Variants in PRR12 observed in about 807,000 individuals in gnomAD.
The protein encoded by PRR12 is proline-rich protein 12.
A neutral mutation model predicts 138.0 loss-of-function variants in PRR12; 12 were observed. The observed-to-expected ratio is 0.09, with a 90% CI of 0.06 to 0.14. PRR12 has a LOEUF of 0.14. Among genes scored for constraint, PRR12 ranks in the 10% least tolerant of loss-of-function variants. The pLI is 1.00. For missense variants in PRR12, 2,692 were observed against 2,861.3 expected (o/e 0.94, Z 1.35); for synonymous variants, 1,567 against 1,291.7 (o/e 1.21, Z -4.57).
rs562092493 is a variant in PRR12, at chr19:49,601,879, C to T, written c.4734C>T (p.Asp1578=). Residue 1578 remains aspartate (D), a synonymous_variant, in exon 6 of 14, where the codon GAC becomes GAT. Coordinates refer to ENST00000418929, the MANE Select transcript of PRR12 (RefSeq NM_020719.3). The part of the protein sequence containing the change: ...SGGEGIFRER[D]EFVIRAEDIP... ...GAGAGGGCATCTTCCGGGAACGGGA[C>T]GAGTTCGTCATCCGTGCTGAGGACA... 5.0e-5 allele frequency: 81 copies of T among 1,612,330 alleles called. 1 individual carries two copies. In the South Asian group the frequency reaches 6.4e-4, roughly 13 times the overall value.
chr19:49,601,567 C>G lies in PRR12; in HGVS notation c.4422C>G (p.Pro1474=). 4 of 1,539,808 alleles carry G rather than the reference C, an allele frequency of 2.6e-6. No homozygotes were observed. Among genetic ancestry groups the G allele is most frequent in the Non-Finnish European group, 2.6e-6 (3 of 1,139,070 alleles). Residue 1474 remains proline (P), a synonymous_variant, in exon 6 of 14, where the codon CCC becomes CCG. Transcript: ENST00000418929. ...APTPQPQPPP[P]PPPPQPALPS... ...CTCCTCAGCCTCAGCCTCCGCCACC[C>G]CCTCCGCCGCCACAGCCAGCCCTGC...
chr19:49,621,457 T>C (rs2080923134), intron 10 of PRR12, 68 bp from the exon 11 acceptor site: 1 of 1,276,106 alleles, frequency 7.8e-7, no homozygotes. Context: ...CCAGACTCCA[T>C]GACCCCACCT....
In PRR12 at chr19:49,614,671, A is replaced by G; in HGVS notation, c.4890+22A>G. On this transcript the variant is annotated intron_variant, in intron 7 of 13. Coordinates refer to ENST00000418929, the MANE Select transcript of PRR12 (RefSeq NM_020719.3). The surrounding 1 kb of genome is among the most constrained non-coding windows in gnomAD (Gnocchi z 5.0). ...TAATGTAAGCCTGCAAAGGGGACCA[A>G]GGACTTGGGGGCCCCGGGGCGTGGT... 6.5e-7 allele frequency: 1 copy of G among 1,549,454 alleles called. No individual in the cohort carries two copies. The highest frequency in any genetic ancestry group is 8.7e-7 in the Non-Finnish European group (1 of 1,145,022).
chr19:49,593,528 A>G (rs2122281780), intron 2 of PRR12, 89 bp downstream of exon 2: 1 of 632,496 alleles, frequency 1.6e-6, no homozygotes, highest in African/African-American at 1.9e-5. Context: ...GCCCCTCCTA[A>G]TTGGCCGTGG....
chr19:49,599,691 T>C lies in PRR12; in HGVS notation c.4098T>C (p.Leu1366=). 1 of 1,613,414 alleles carries C rather than the reference T, an allele frequency of 6.2e-7. No individual in the cohort carries two copies. The highest frequency in any genetic ancestry group is 8.5e-7 in the Non-Finnish European group (1 of 1,179,790). ...GCTGCCCTTCACCCTGCAAGCGGCT[T>C]GATGAGGAGCTGAAGCGGAACCTCG... ...GLGCPSPCKR[L]DEELKRNLET... The change falls in exon 5 of 14, where the codon CTT becomes CTC. Residue 1366 remains leucine (L), a synonymous_variant. Transcript: ENST00000418929. The surrounding 1 kb of genome is among the most constrained non-coding windows in gnomAD (Gnocchi z 5.0).
At chr19:49,598,418 T>C (rs1028182686) in intron 4 of PRR12, among the ~76,000 whole-genome samples, 18 of 152,180 alleles carry the variant, frequency 1.2e-4, no homozygotes, top group Admixed American at 3.9e-4. Context: ...GGCCGCACCT[T>C]GGCATTTTTG....
Position 49,620,383 on chromosome 19 carries a change from C to T in PRR12, c.5529C>T (p.Thr1843=). ...ERAVPGRLLK[T]RAMREMYRSY... ...CAGTACCTGGGCGTCTGCTCAAAAC[C>T]AGGGCGATGCGGGAGATGTACCGGA... Residue 1843 remains threonine, a synonymous_variant, in exon 10 of 14, where the codon ACC becomes ACT. Coordinates refer to ENST00000418929, the MANE Select transcript of PRR12 (RefSeq NM_020719.3). The T allele has an allele frequency of 6.2e-7, 1 of 1,612,688 alleles. No homozygotes were observed. Among genetic ancestry groups the T allele is most frequent in the Non-Finnish European group, 8.5e-7 (1 of 1,179,388 alleles).
At position 49,594,473 on chromosome 19, in the gene PRR12, C is replaced by T; in HGVS notation, c.219C>T (p.Asp73=). The T allele has an allele frequency of 6.2e-7, 1 of 1,610,290 alleles. No homozygotes were observed. Among genetic ancestry groups the T allele is most frequent in the Non-Finnish European group, 8.5e-7 (1 of 1,178,498 alleles). The change falls in exon 3 of 14, where the codon GAC becomes GAT. Residue 73 remains aspartate, a synonymous_variant. Coordinates refer to ENST00000418929, the MANE Select transcript of PRR12 (RefSeq NM_020719.3). The surrounding 1 kb of genome is among the most constrained non-coding windows in gnomAD (Gnocchi z 5.6). The part of the protein sequence containing the change: ...HHPAGLSGLF[D]TGLHHAGSAG... Reference sequence around the variant, plus strand: ...GGCCAGGCCTCTCTGGACTCTTCGACACTGGCCTCCACCACGCGGGCTCAG... The same window carrying T: ...GGCCAGGCCTCTCTGGACTCTTCGATACTGGCCTCCACCACGCGGGCTCAG...
intron 11 of PRR12, among the ~76,000 whole-genome samples, chr19:49,622,007 CTTCTGGGATA>C (rs2074233279): frequency 6.6e-6 from 1 of 152,204 alleles, no homozygotes; most frequent in Non-Finnish European, 1.5e-5. Flanking sequence ...TATGATTTCC[CTTCTGGGATA>C]TTCTGGGATG....
chr19:49,595,985 C>T lies in PRR12; in HGVS notation c.1650C>T (p.Pro550=), dbSNP rs1806756286. Residue 550 remains proline, a synonymous_variant, in exon 4 of 14, where the codon CCC becomes CCT. Coordinates refer to ENST00000418929, the MANE Select transcript of PRR12 (RefSeq NM_020719.3). The part of the protein sequence containing the change: ...ALSGHGGGWG[P]SSLGGGGEAS... ...CGGGCCATGGGGGTGGCTGGGGACC[C>T]AGCTCCCTGGGAGGCGGCGGTGAGG... 5 of 1,600,706 alleles carry T rather than the reference C, an allele frequency of 3.1e-6. No homozygotes were observed. Among genetic ancestry groups the T allele is most frequent in the Non-Finnish European group, 3.4e-6 (4 of 1,179,662 alleles).
In PRR12 at chr19:49,615,020, T is replaced by C; in HGVS notation, c.5024+11T>C. The C allele has an allele frequency of 7.4e-6, 12 of 1,612,866 alleles. No individual in the cohort carries two copies. The highest frequency in any genetic ancestry group is 1.0e-5 in the Non-Finnish European group (12 of 1,179,664). The stretch of plus-strand genomic sequence containing the variant: ...CCCAGTGCCAGTCAGGTACCAACCA[T>C]GGGGGACACAGGGGCAGGTAGTATG... On this transcript the variant is annotated intron_variant, in intron 8 of 13. Transcript: ENST00000418929.
intron 6 of PRR12, among the ~76,000 whole-genome samples, chr19:49,602,749 A>G (rs1437809085): frequency 6.6e-6 from 1 of 152,132 alleles, no homozygotes; most frequent in African/African-American, 2.4e-5. Context: ...ATGGGGTTTC[A>G]CTGTGTTGGC....
rs990709336 is a variant in PRR12 at position 49,594,054 on chromosome 19, C to T, written c.200-400C>T. Among the ~76,000 whole-genome samples the T allele has an allele frequency of 2.6e-5, 4 of 152,146 alleles. No homozygotes were observed. The highest frequency in any genetic ancestry group is 1.9e-4 in the East Asian group (1 of 5,196). On this transcript the variant is annotated intron_variant, in intron 2 of 13. Transcript: ENST00000418929. The surrounding 1 kb of genome is among the most constrained non-coding windows in gnomAD (Gnocchi z 5.6). ...AGCTCAATCCTTTCTGACACGTTCT[C>T]TGGTCTTTCTTAGACTTCATTGTCC...
At position 49,601,674 on chromosome 19, in the gene PRR12, C is replaced by T. The variant is rs1350238392; in HGVS notation, c.4529C>T (p.Pro1510Leu). The T allele has an allele frequency of 1.3e-6, 2 of 1,538,532 alleles. No homozygotes were observed. The highest frequency in any genetic ancestry group is 1.2e-5 in the South Asian group (1 of 83,852). The change falls in exon 6 of 14, where the codon CCC becomes CTC. Residue 1510 changes from proline (P) to leucine (L), a missense_variant. Pro to Leu is a moderately conservative substitution (Grantham distance 98, BLOSUM62 -3). Around this residue, in one of 11 missense-constraint regions of PRR12, gnomAD observed 231 missense variants for 200.8 expected, o/e 1.15. Coordinates refer to ENST00000418929, the MANE Select transcript of PRR12 (RefSeq NM_020719.3). Reference protein sequence around the residue: ...PLPPPPPPAMPSPPPPPPPAA... With the variant: ...PLPPPPPPAMLSPPPPPPPAA... ...CCGCCGCCACCTCCACCAGCCATGC[C>T]CTCGCCTCCACCACCACCCCCACCA...
rs1284861976 is a variant in PRR12 at position 49,595,471 on chromosome 19, G to T, written c.1136G>T (p.Gly379Val). ...GGGGAGGGGG[G>V]YRPIIQSPGY... ...GGTGGGGCTGGGGGTGGTGGTGGAG[G>T]TTACCGCCCCATCATTCAGTCGCCT... is the stretch of plus-strand genomic sequence containing the variant. Residue 379 changes from glycine (G) to valine (V), a missense_variant, in exon 4 of 14, where the codon GGT becomes GTT. This residue lies in a region of PRR12 where 523 missense variants were observed against 496.4 expected (regional missense o/e 1.05). Coordinates refer to ENST00000418929, the MANE Select transcript of PRR12 (RefSeq NM_020719.3). 2.6e-6 allele frequency: 4 copies of T among 1,550,678 alleles called. No homozygotes were observed. The highest frequency in any genetic ancestry group is 3.5e-6 in the Non-Finnish European group (4 of 1,148,094).
intron 6 of PRR12, among the ~76,000 whole-genome samples, chr19:49,606,606 C>T (rs1443862827): frequency 6.6e-6 from 1 of 151,614 alleles, no homozygotes; most frequent in Admixed American, 6.6e-5. Context: ...AGGCATGAGC[C>T]ACTGTGCCCA....
rs372120106 is a variant in PRR12, at chr19:49,622,472, G to C, written c.5721+850G>C. On this transcript the variant is annotated intron_variant, in intron 11 of 13. Transcript: ENST00000418929. Reference sequence around the variant, plus strand: ...CTGGGCGTGGTGGTGGGCACCTGTAGTCTTAGCTTCCCTGGAGGCTGAGGC... The same window carrying C: ...CTGGGCGTGGTGGTGGGCACCTGTACTCTTAGCTTCCCTGGAGGCTGAGGC... Among the ~76,000 whole-genome samples, 114 of 151,826 alleles carry C rather than the reference G, an allele frequency of 7.5e-4. 1 individual carries two copies. In the South Asian group the frequency reaches 0.023, roughly 31 times the overall value.
At chr19:49,623,474 C>G (rs1469118745) in intron 11 of PRR12, among the ~76,000 whole-genome samples, 1 of 151,768 alleles carries the variant, frequency 6.6e-6, no homozygotes, top group Non-Finnish European at 1.5e-5. Flanking sequence ...ACTAAAAATA[C>G]ACAAAAAATT....
chr19:49,612,688 AG>A (rs1296424342), intron 6 of PRR12, among the ~76,000 whole-genome samples: 1 of 151,972 alleles, frequency 6.6e-6, no homozygotes, highest in African/African-American at 2.4e-5. Flanking sequence ...TTTTTGAGAC[AG>A]GGTCTTGCTC....
Sources: allele counts gnomAD v4.1 joint callset (sites outside exome capture counted in the v4.1 genomes callset), GRCh38; gene constraint gnomAD v4.1.1; regional missense constraint gnomAD v4.1.1; non-coding constraint Gnocchi (gnomAD v3.1); transcripts MANE v1.5; gene names NCBI Gene and HGNC (gene_info 2026-07-23, HGNC 2026-07-21).